The following PDE10A variants were observed in gnomAD, a reference collection of about 807,000 sequenced individuals.
The protein encoded by PDE10A is cAMP and cAMP-inhibited cGMP 3',5'-cyclic phosphodiesterase 10A.
PDE10A carries 39 observed loss-of-function variants against 97.7 expected under a neutral mutation model. The observed-to-expected ratio is 0.40, with a 90% CI of 0.31 to 0.52. PDE10A has a LOEUF of 0.52. PDE10A is among the 20% of genes least tolerant of loss of function. The probability of loss-of-function intolerance (pLI) is 0.56; values close to 1 mark genes in which losing one functional copy is unlikely to be tolerated. For synonymous variants in PDE10A, 371 were observed against 376.8 expected (o/e 0.98, Z 0.18); for missense variants, 731 against 1,047.8 (o/e 0.70, Z 4.17).
intron 5 of PDE10A, among the ~76,000 whole-genome samples, chr6:165,438,014 T>C (rs566529163): frequency 6.6e-6 from 1 of 152,264 alleles, no homozygotes; most frequent in South Asian, 2.1e-4. Flanking sequence ...AAGTCTAAAA[T>C]AGAGGTTGAA....
intron 18 of PDE10A, among the ~76,000 whole-genome samples, chr6:165,376,699 G>C (rs974966387): frequency 6.6e-6 from 1 of 152,160 alleles, no homozygotes; most frequent in African/African-American, 2.4e-5. Context: ...AGGACTGCTT[G>C]AGGCCAGGAG....
intron 2 of PDE10A, among the ~76,000 whole-genome samples, chr6:165,488,807 G>C (rs549904627): frequency 6.6e-6 from 1 of 152,092 alleles, no homozygotes; most frequent in Admixed American, 6.6e-5. Flanking sequence ...TGTGGCTGCC[G>C]GCTTTACCCC....
chr6:165,692,207 CCT>C (rs771789643), intron 1 of PDE10A, among the ~76,000 whole-genome samples: 77 of 152,268 alleles, frequency 5.1e-4, no homozygotes, highest in South Asian at 1.2e-3. Flanking sequence ...CCTTGCTCAG[CCT>C]CTCTGCTCTA....
At chr6:165,462,156 G>A (rs1778363333) in intron 3 of PDE10A, among the ~76,000 whole-genome samples, 3 of 152,136 alleles carry the variant, frequency 2.0e-5, no homozygotes, top group African/African-American at 4.8e-5. Flanking sequence ...TTTTCTCTAT[G>A]TGGAATATTA....
rs139098508 is a variant in PDE10A, at chr6:165,965,498, C to T, written c.-615+22031G>A. On this transcript the variant is annotated intron_variant, in intron 1 of 19. Transcript: ENST00000366882. The stretch of plus-strand genomic sequence containing the variant: ...CACCACAATTCTGTCAAAATGAGGG[C>T]GAGACTGCATTCCAATCTAGATCCT... Among the ~76,000 whole-genome samples, 403 of 152,150 alleles carry T rather than the reference C, an allele frequency of 2.6e-3. 6 individuals are homozygous for T. The East Asian group carries it at 0.037, about 14-fold the overall frequency.
chr6:165,776,508 T>C (rs1778188458), intron 1 of PDE10A, among the ~76,000 whole-genome samples: 1 of 152,250 alleles, frequency 6.6e-6, no homozygotes, highest in African/African-American at 2.4e-5. Context: ...AGCTGGGAGC[T>C]GTTTTTGATA....
At chr6:165,702,226 A>T (rs1234485266) in intron 1 of PDE10A, among the ~76,000 whole-genome samples, 3 of 152,176 alleles carry the variant, frequency 2.0e-5, no homozygotes, top group Non-Finnish European at 4.4e-5. Flanking sequence ...ACAAAAGAAA[A>T]CCACAGAAAG....
intron 1 of PDE10A, among the ~76,000 whole-genome samples, chr6:165,773,791 AACAG>A (rs1282653455): frequency 2.0e-5 from 3 of 152,202 alleles, no homozygotes; most frequent in East Asian, 1.9e-4. Context: ...ATGAAAAGTA[AACAG>A]ACAGAAAAAC....
chr6:165,548,701 G>C (rs1783861099), intron 1 of PDE10A, among the ~76,000 whole-genome samples: 1 of 152,158 alleles, frequency 6.6e-6, no homozygotes, highest in Non-Finnish European at 1.5e-5. Flanking sequence ...CTTGACAATG[G>C]TGATTTTCCT....
At chr6:165,834,826 C>T (rs1212746836) in intron 1 of PDE10A, among the ~76,000 whole-genome samples, 1 of 152,212 alleles carries the variant, frequency 6.6e-6, no homozygotes, top group African/African-American at 2.4e-5. Flanking sequence ...GGGAAGGCAG[C>T]CACGTGGAGC....
intron 1 of PDE10A, among the ~76,000 whole-genome samples, chr6:165,584,917 A>G (rs1262703958): frequency 6.6e-6 from 1 of 152,136 alleles, no homozygotes; most frequent in African/African-American, 2.4e-5. Context: ...GTAGCTATAA[A>G]CACTATCTAG....
chr6:165,657,520 C>T (rs570528194), intron 1 of PDE10A, among the ~76,000 whole-genome samples: 8 of 152,304 alleles, frequency 5.3e-5, no homozygotes, highest in Admixed American at 3.3e-4. Flanking sequence ...AAATGTGCAC[C>T]GCACTATGTT....
chr6:165,837,685 T>G (rs11752710), intron 1 of PDE10A, among the ~76,000 whole-genome samples: 6,909 of 86,330 alleles, frequency 0.08, 187 homozygotes, highest in African/African-American at 0.15. Context: ...TTTTTTTTTT[T>G]GGGGCAGGAG....
chr6:165,561,175 C>T (rs1042161661), intron 1 of PDE10A, among the ~76,000 whole-genome samples: 6 of 151,116 alleles, frequency 4.0e-5, no homozygotes, highest in East Asian at 3.9e-4. Flanking sequence ...GCCGAGATCA[C>T]GCCACTGCAC....
intron 1 of PDE10A, among the ~76,000 whole-genome samples, chr6:165,952,257 C>T (rs976955234): frequency 6.6e-6 from 1 of 152,244 alleles, no homozygotes; most frequent in African/African-American, 2.4e-5. Flanking sequence ...ATTCCTTCAC[C>T]TGTGCCTTTC....
intron 1 of PDE10A, among the ~76,000 whole-genome samples, chr6:165,761,827 T>C (rs748320269): frequency 6.6e-6 from 1 of 152,162 alleles, no homozygotes; most frequent in Non-Finnish European, 1.5e-5. Flanking sequence ...AAATACATCC[T>C]TATGTACAGC....
At chr6:165,407,389 T>C (rs1036390476) in intron 13 of PDE10A, among the ~76,000 whole-genome samples, 7 of 152,098 alleles carry the variant, frequency 4.6e-5, no homozygotes, top group South Asian at 4.1e-4. Context: ...CCATTTTTTT[T>C]CTTATAAAAC....
chr6:165,949,506 C>T (rs1015979786), intron 1 of PDE10A: 2 of 152,026 alleles, frequency 1.3e-5, no homozygotes, highest in African/African-American at 4.8e-5. Flanking sequence ...GGGGTGACCA[C>T]TGCAGACCTT....
In PDE10A at chr6:165,418,638, A is replaced by C; in HGVS notation, c.1793T>G (p.Ile598Arg). ...GACATTCTACTTCTAGCTGTACCTT[A>C]TCTCTTTGGTCTTCTTGAAGACAGG... Reference protein sequence around the residue: ...GKPVFKKTKEIRFSIEKGIAG... With the variant: ...GKPVFKKTKERRFSIEKGIAG... The change falls in exon 11 of 22, where the codon ATA (isoleucine) becomes AGA (arginine). Residue 598 changes from isoleucine (I) to arginine (R), a missense_variant. Ile to Arg is a moderately conservative substitution (Grantham distance 97, BLOSUM62 -3). This residue lies in a region of PDE10A where 108 missense variants were observed against 199.8 expected (regional missense o/e 0.54). Transcript: ENST00000539869. This position sits in a 1 kb window ranked among gnomAD's most constrained non-coding sequence, Gnocchi z 4.8. The C allele has an allele frequency of 6.2e-7, 1 of 1,612,344 alleles. No homozygotes were observed. Among genetic ancestry groups the C allele is most frequent in the Non-Finnish European group, 8.5e-7 (1 of 1,179,718 alleles).
Sources: gnomAD v4.1 joint callset for allele counts (sites outside exome capture counted in the v4.1 genomes callset) on GRCh38, gnomAD v4.1.1 for gene constraint, gnomAD v4.1.1 regional missense constraint, Gnocchi (gnomAD v3.1) non-coding constraint, MANE v1.5 for transcripts, NCBI Gene and HGNC (gene_info 2026-07-23, HGNC 2026-07-21) for gene names.